Variants in ZMIZ1 observed in about 807,000 individuals in gnomAD.
ZMIZ1 encodes the protein zinc finger MIZ domain-containing protein 1.
ZMIZ1 carries 17 observed loss-of-function variants against 113.9 expected under a neutral mutation model. That is an observed-to-expected ratio of 0.15 (90% CI 0.10 to 0.22). The LOEUF is 0.22. Ranked by LOEUF, ZMIZ1 falls within the 10% of genes least tolerant of loss-of-function variation. The pLI, the probability that ZMIZ1 is intolerant of heterozygous loss-of-function variation, is 1.00. For synonymous variants in ZMIZ1, 607 were observed against 603.1 expected (o/e 1.01, Z -0.09); for missense variants, 1,059 against 1,477.8 (o/e 0.72, Z 4.65).
chr10:79,197,630 A>ACACG (rs1554867816), intron 4 of ZMIZ1, among the ~76,000 whole-genome samples: 14 of 148,514 alleles, frequency 9.4e-5, no homozygotes, highest in African/African-American at 3.5e-4. Context: ...ACACACACAC[A>ACACG]CACACACACA....
intron 1 of ZMIZ1, among the ~76,000 whole-genome samples, chr10:79,086,285 TCTC>T (rs1226484572): frequency 1.3e-5 from 2 of 152,082 alleles, no homozygotes; most frequent in Middle Eastern, 6.3e-3. Flanking sequence ...TCCTAGGCAT[TCTC>T]CTCTGGACTC....
In ZMIZ1 at chr10:79,307,505, C is replaced by A. The variant is rs1370183054; in HGVS notation, c.2769C>A (p.His923Gln). The change falls in exon 23 of 25, where the codon CAC becomes CAA. Residue 923 changes from histidine (H) to glutamine (Q), a missense_variant. Transcript: ENST00000334512. ...TGCACGGGCCCCCCCAGCTCTCCCACCCCCCGGACATGCCCAACAACATGG... is the reference window on the plus strand; with the variant it reads ...TGCACGGGCCCCCCCAGCTCTCCCAACCCCCGGACATGCCCAACAACATGG... The part of the protein sequence containing the change: ...DFMHGPPQLS[H>Q]PPDMPNNMAA... 2.5e-6 allele frequency: 4 copies of A among 1,607,844 alleles called. No individual in the cohort carries two copies. Among genetic ancestry groups the A allele is most frequent in the South Asian group, 1.1e-5 (1 of 90,834 alleles).
chr10:79,093,771 C>A (rs527380519), intron 1 of ZMIZ1, among the ~76,000 whole-genome samples: 1 of 152,236 alleles, frequency 6.6e-6, no homozygotes, highest in Non-Finnish European at 1.5e-5. Flanking sequence ...CCCTCCCATG[C>A]CCTTGCGTGC....
At chr10:79,237,310 C>T (rs1849631179) in intron 7 of ZMIZ1, among the ~76,000 whole-genome samples, 1 of 152,220 alleles carries the variant, frequency 6.6e-6, no homozygotes, top group Non-Finnish European at 1.5e-5. Context: ...GGGGCCAGAG[C>T]AACATGAGGA....
intron 5 of ZMIZ1, among the ~76,000 whole-genome samples, chr10:79,206,330 G>A (rs543609029): frequency 1.4e-4 from 22 of 152,302 alleles, no homozygotes; most frequent in African/African-American, 5.3e-4. Flanking sequence ...TGACCAGCTG[G>A]GGGCAGGCAG....
At chr10:79,196,904 C>T (rs1175834090) in intron 4 of ZMIZ1, among the ~76,000 whole-genome samples, 3 of 152,260 alleles carry the variant, frequency 2.0e-5, no homozygotes, top group Non-Finnish European at 4.4e-5. Context: ...GAGAAGCCCA[C>T]TCGAAGTCCA....
intron 7 of ZMIZ1, among the ~76,000 whole-genome samples, chr10:79,240,365 G>C (rs1006294552): frequency 2.1e-4 from 32 of 152,192 alleles, no homozygotes; most frequent in African/African-American, 7.2e-4. Flanking sequence ...CCAGGCTTTT[G>C]AGCAAATCTT....
chr10:79,301,977 G>A (rs1589602922), intron 17 of ZMIZ1, 130 bp from the exon 18 acceptor site: 2 of 822,808 alleles, frequency 2.4e-6, no homozygotes, highest in Non-Finnish European at 4.0e-6. Flanking sequence ...GCAAGTCCCA[G>A]GAGACACCCT....
intron 4 of ZMIZ1, among the ~76,000 whole-genome samples, chr10:79,172,611 G>A (rs989173006): frequency 6.6e-6 from 1 of 152,122 alleles, no homozygotes; most frequent in Non-Finnish European, 1.5e-5. Flanking sequence ...AGGAACTTGG[G>A]TCCTTTGACC....
intron 4 of ZMIZ1, among the ~76,000 whole-genome samples, chr10:79,196,330 C>T (rs985887279): frequency 2.0e-5 from 3 of 152,214 alleles, no homozygotes; most frequent in Non-Finnish European, 4.4e-5. Context: ...ACTCACCCCT[C>T]GGTTCCTGTG....
At chr10:79,193,680 G>A (rs570136837) in intron 4 of ZMIZ1, among the ~76,000 whole-genome samples, 3 of 152,254 alleles carry the variant, frequency 2.0e-5, no homozygotes, top group East Asian at 3.9e-4. Context: ...GTGTGACAGC[G>A]ACATGGAGGG....
intron 6 of ZMIZ1, among the ~76,000 whole-genome samples, chr10:79,215,679 C>G (rs1001245057): frequency 1.8e-4 from 28 of 152,126 alleles, no homozygotes; most frequent in Admixed American, 1.8e-3. Context: ...TAACAGGCCC[C>G]CCTGTGGTGC....
At chr10:79,070,449 C>G (rs1842226106) in intron 1 of ZMIZ1, among the ~76,000 whole-genome samples, 1 of 151,708 alleles carries the variant, frequency 6.6e-6, no homozygotes, top group Admixed American at 6.5e-5. Flanking sequence ...GGGAGCCGGC[C>G]TCAGCCCCGG....
At chr10:79,306,765 C>T (rs965860513) in intron 22 of ZMIZ1, among the ~76,000 whole-genome samples, 2 of 152,222 alleles carry the variant, frequency 1.3e-5, no homozygotes, top group Non-Finnish European at 2.9e-5. Flanking sequence ...TTTACTCCTA[C>T]TGCCACTGAT....
At chr10:79,261,261 G>A (rs554456671) in intron 7 of ZMIZ1, among the ~76,000 whole-genome samples, 1 of 152,324 alleles carries the variant, frequency 6.6e-6, no homozygotes, top group Non-Finnish European at 1.5e-5. Context: ...CTCAGCTCAG[G>A]CCAGCTGGTC....
chr10:79,201,555 C>A, intron 4 of ZMIZ1, 29 bp from the exon 5 acceptor site: 1 of 1,545,554 alleles, frequency 6.5e-7, no homozygotes, highest in Non-Finnish European at 8.9e-7. Flanking sequence ...TGGCGTGATC[C>A]AGTGACAACC....
intron 7 of ZMIZ1, among the ~76,000 whole-genome samples, chr10:79,243,168 A>C (rs1307051439): frequency 6.7e-6 from 1 of 148,654 alleles, no homozygotes; most frequent in Non-Finnish European, 1.5e-5. Flanking sequence ...CCCCAGCCCC[A>C]CGCGGGCACA....
chr10:79,108,428 G>A (rs1337792479), intron 1 of ZMIZ1, among the ~76,000 whole-genome samples: 3 of 152,148 alleles, frequency 2.0e-5, no homozygotes, highest in African/African-American at 7.2e-5. Context: ...CTAGGTCCTA[G>A]GGTGCCAATT....
intron 7 of ZMIZ1, among the ~76,000 whole-genome samples, chr10:79,218,830 G>T (rs1426987290): frequency 6.6e-6 from 1 of 152,100 alleles, no homozygotes; most frequent in African/African-American, 2.4e-5. Flanking sequence ...AGCATGCACG[G>T]CTTTTTGTCA....
Sources: gnomAD v4.1 joint callset for allele counts (sites outside exome capture counted in the v4.1 genomes callset) on GRCh38, gnomAD v4.1.1 for gene constraint, MANE v1.5 for transcripts, NCBI Gene and HGNC (gene_info 2026-07-23, HGNC 2026-07-21) for gene names.